The following SLC8A3 variants were observed in gnomAD, a reference collection of about 807,000 sequenced individuals.
SLC8A3 encodes the protein sodium/calcium exchanger 3.
In SLC8A3, 37 loss-of-function variants were observed where a neutral mutation model predicts 65.4. The ratio of observed to expected loss-of-function variants is 0.57; its 90% CI spans 0.44 to 0.74. The LOEUF is 0.74. Among genes scored for constraint, SLC8A3 ranks in the 30% least tolerant of loss-of-function variants. The probability of loss-of-function intolerance (pLI) is 0.00; values close to 1 mark genes in which losing one functional copy is unlikely to be tolerated. For missense variants in SLC8A3, 1,112 were observed against 1,172.1 expected, an observed-to-expected ratio of 0.95 and a Z score of 0.75; for synonymous variants, 461 against 444.5, an observed-to-expected ratio of 1.04 and a Z score of -0.47.
chr14:70,136,493 G>A (rs905451606), intron 2 of SLC8A3, among the ~76,000 whole-genome samples: 13 of 152,106 alleles, frequency 8.5e-5, no homozygotes, highest in African/African-American at 2.9e-4. Flanking sequence ...AGCTGCACCC[G>A]CTTTTTGGCA....
chr14:70,073,431 G>A (rs1053750633), intron 2 of SLC8A3, among the ~76,000 whole-genome samples: 2 of 152,104 alleles, frequency 1.3e-5, no homozygotes, highest in Non-Finnish European at 2.9e-5. Context: ...AGGGAGACAG[G>A]AATATTCACA....
At chr14:70,127,427 C>G (rs1054568705) in intron 2 of SLC8A3, among the ~76,000 whole-genome samples, 1 of 152,112 alleles carries the variant, frequency 6.6e-6, no homozygotes, top group African/African-American at 2.4e-5. Context: ...TTTGTAGACC[C>G]GTGTTCTTTG....
intron 2 of SLC8A3, among the ~76,000 whole-genome samples, chr14:70,094,692 C>T (rs896311684): frequency 2.0e-5 from 3 of 152,276 alleles, no homozygotes; most frequent in Non-Finnish European, 2.9e-5. Context: ...GACAGAATGT[C>T]CCCCCTGCTG....
intron 1 of SLC8A3, among the ~76,000 whole-genome samples, chr14:70,182,934 C>T (rs1030220705): frequency 7.2e-5 from 11 of 152,104 alleles, no homozygotes; most frequent in Admixed American, 2.0e-4. Flanking sequence ...TGTTTCTGTT[C>T]GTTTGTTTTT....
intron 2 of SLC8A3, among the ~76,000 whole-genome samples, chr14:70,089,895 G>T (rs554932239): frequency 6.6e-6 from 1 of 152,110 alleles, no homozygotes; most frequent in South Asian, 2.1e-4. Context: ...ACCAAGATTT[G>T]TATACGCAGG....
intron 5 of SLC8A3, 148 bp downstream of exon 5, chr14:70,050,860 C>G (rs1887415629): frequency 1.2e-5 from 7 of 575,534 alleles, no homozygotes; most frequent in Middle Eastern, 4.7e-4. Flanking sequence ...CGCCATGATT[C>G]TTTTCCAAGC....
Position 70,166,736 on chromosome 14 carries a change from T to A in SLC8A3, c.1687A>T (p.Ile563Phe), listed in dbSNP as rs1897182958. Residue 563 changes from isoleucine to phenylalanine, a missense_variant, in exon 2 of 7, where the codon ATC becomes TTC. Physicochemically the swap from Ile to Phe is conservative, Grantham distance 21. Coordinates refer to ENST00000356921, the MANE Select transcript of SLC8A3 (RefSeq NM_182932.3). The stretch of plus-strand genomic sequence containing the variant: ...CCTTCTACTGTCCTAAAGGGGACGA[T>A]GACTGTACCCCGGGCACCTGATGTC... ...LRTSGARGTV[I>F]VPFRTVEGTA... 6 of 1,613,976 alleles carry A rather than the reference T, an allele frequency of 3.7e-6. No individual in the cohort carries two copies. The highest frequency in any genetic ancestry group is 5.1e-6 in the Non-Finnish European group (6 of 1,179,952).
chr14:70,169,870 T>C (rs1897403261), intron 1 of SLC8A3, among the ~76,000 whole-genome samples: 1 of 152,128 alleles, frequency 6.6e-6, no homozygotes, highest in Non-Finnish European at 1.5e-5. Context: ...ACCCAGTTAC[T>C]CATGTTAGAA....
chr14:70,045,931 G>A lies in SLC8A3; in HGVS notation c.*16C>T, dbSNP rs1191220784. The A allele has an allele frequency of 1.3e-6, 2 of 1,562,482 alleles. No homozygotes were observed. Among genetic ancestry groups the A allele is most frequent in the Non-Finnish European group, 1.7e-6 (2 of 1,150,940 alleles). ...GAAGTCCTAGGCCTGCCCTGCTGGA[G>A]GCTCTGTTGTGTGGCTTAGAACCCC... On this transcript the variant is annotated 3_prime_UTR_variant, in exon 7 of 7. Coordinates refer to ENST00000356921, the MANE Select transcript of SLC8A3 (RefSeq NM_182932.3).
Position 70,044,310 on chromosome 14 carries a change from T to C in SLC8A3, c.*1637A>G, listed in dbSNP as rs1351354951. On this transcript the variant is annotated 3_prime_UTR_variant, in exon 7 of 7. Transcript: ENST00000356921. Reference sequence around the variant, plus strand: ...TCAACATAGCTTATGACATGAGCACTGTTTCTTTTTTAATTATTTTTTTCT... The same window carrying C: ...TCAACATAGCTTATGACATGAGCACCGTTTCTTTTTTAATTATTTTTTTCT... 2 of 152,134 alleles carry C rather than the reference T, an allele frequency of 1.3e-5. No homozygotes were observed. The highest frequency in any genetic ancestry group is 3.9e-4 in the East Asian group (2 of 5,194). 9.4% of individuals were successfully genotyped at this position (152,134 alleles called of 1,614,324 possible).
At chr14:70,109,453 G>GTATATATATATATATATATATA (rs3078221) in intron 2 of SLC8A3, among the ~76,000 whole-genome samples, 1 of 146,548 alleles carries the variant, frequency 6.8e-6, no homozygotes, top group African/African-American at 2.5e-5. Flanking sequence ...GTACGTGTGT[G>GTATATATATATATATATATATA]TATATATATA....
chr14:70,174,326 A>G (rs1594808200), intron 1 of SLC8A3, among the ~76,000 whole-genome samples: 1 of 152,224 alleles, frequency 6.6e-6, no homozygotes, highest in East Asian at 1.9e-4. Flanking sequence ...GCCTCGCCTC[A>G]ATGAGGTGTG....
intron 2 of SLC8A3, among the ~76,000 whole-genome samples, chr14:70,107,035 A>G (rs1384636946): frequency 6.6e-6 from 1 of 152,140 alleles, no homozygotes; most frequent in Non-Finnish European, 1.5e-5. Flanking sequence ...GGATCCCACA[A>G]GTGGTTTAGA....
intron 2 of SLC8A3, among the ~76,000 whole-genome samples, chr14:70,102,041 CTT>C (rs945548375): frequency 6.6e-6 from 1 of 152,184 alleles, no homozygotes; most frequent in Non-Finnish European, 1.5e-5. Context: ...TCCTGCAAGT[CTT>C]TGGCTGAAGG....
intron 3 of SLC8A3, among the ~76,000 whole-genome samples, chr14:70,055,459 C>T (rs1447902888): frequency 6.6e-6 from 1 of 152,098 alleles, no homozygotes; most frequent in African/African-American, 2.4e-5. Flanking sequence ...TCTCTTCCCC[C>T]ACAACATGAG....
rs186594562 is a variant in SLC8A3, at chr14:70,046,456, C to G, written c.2390-133G>C. On this transcript the variant is annotated intron_variant, in intron 6 of 6. Transcript: ENST00000356921. The surrounding 1 kb of genome is among the most constrained non-coding windows in gnomAD (Gnocchi z 4.2). ...ATGAGAGACAAGGGCTAGGGGGCCA[C>G]TCCTAACTCCTAGTTCTGCCGCAAG... The G allele has an allele frequency of 3.5e-6, 3 of 845,774 alleles. No homozygotes were observed. Among genetic ancestry groups the G allele is most frequent in the African/African-American group, 1.7e-5 (1 of 58,856 alleles). 52.4% of individuals were successfully genotyped at this position (845,774 alleles called of 1,614,324 possible).
At chr14:70,150,361 A>T (rs940490017) in intron 2 of SLC8A3, among the ~76,000 whole-genome samples, 2 of 152,242 alleles carry the variant, frequency 1.3e-5, no homozygotes, top group African/African-American at 4.8e-5. Flanking sequence ...CCTGTCTGAT[A>T]ACAAGGCCAC....
At chr14:70,123,697 G>A (rs943814918) in intron 2 of SLC8A3, among the ~76,000 whole-genome samples, 4 of 152,200 alleles carry the variant, frequency 2.6e-5, no homozygotes, top group East Asian at 1.9e-4. Flanking sequence ...TAATCCACCC[G>A]CCTCAGTCTC....
intron 2 of SLC8A3, among the ~76,000 whole-genome samples, chr14:70,142,976 G>A (rs909601080): frequency 2.6e-5 from 4 of 152,132 alleles, no homozygotes; most frequent in Non-Finnish European, 4.4e-5. Flanking sequence ...TTATTATTGA[G>A]CACAAATATA....
Sources: gnomAD v4.1 joint callset for allele counts (sites outside exome capture counted in the v4.1 genomes callset) on GRCh38, gnomAD v4.1.1 for gene constraint, Gnocchi (gnomAD v3.1) non-coding constraint, MANE v1.5 for transcripts, NCBI Gene and HGNC (gene_info 2026-07-23, HGNC 2026-07-21) for gene names.